The following ERFL variants were observed in gnomAD, a reference collection of about 807,000 sequenced individuals.
ERFL encodes ETS repressor factor like.
A neutral mutation model predicts 27.9 loss-of-function variants in ERFL; 8 were observed. That is an observed-to-expected ratio of 0.29 (90% confidence interval 0.17 to 0.52). ERFL has a LOEUF of 0.52. ERFL is among the 20% of genes least tolerant of loss of function. The pLI is 0.97. For missense variants in ERFL, 294 were observed against 444.4 expected (o/e 0.66, Z 3.04); for synonymous variants, 174 against 202.8 (o/e 0.86, Z 1.21).
At chr19:41,915,764 G>A (rs2074796977) in intron 1 of ERFL, among the ~76,000 whole-genome samples, 1 of 152,048 alleles carries the variant, frequency 6.6e-6, no homozygotes, top group Non-Finnish European at 1.5e-5. Flanking sequence ...ATCTCACCCT[G>A]CCCCTGGCGC....
Position 41,909,873 on chromosome 19 carries a change from G to T in ERFL, c.292C>A (p.Arg98=), listed in dbSNP as rs2094367305. ...KPHMNYDKLS[R]ALRYYYNKRI... Reference sequence around the variant, plus strand: ...CAAGCCCTTCCTCACCGCAGGGCCCGGCTCAGCTTGTCGTAATTCATGTGG... The same window carrying T: ...CAAGCCCTTCCTCACCGCAGGGCCCTGCTCAGCTTGTCGTAATTCATGTGG... The change falls in exon 3 of 6, where the codon CGG becomes AGG. Residue 98 remains arginine, a synonymous_variant. Transcript: ENST00000597630. This position sits in a 1 kb window ranked among gnomAD's most constrained non-coding sequence, Gnocchi z 5.2. The T allele has an allele frequency of 1.7e-5, 27 of 1,611,082 alleles. No individual in the cohort carries two copies. Among genetic ancestry groups the T allele is most frequent in the Non-Finnish European group, 2.1e-5 (25 of 1,178,640 alleles).
intron 1 of ERFL, among the ~76,000 whole-genome samples, chr19:41,915,773 G>GC (rs1348658272): frequency 3.9e-5 from 6 of 151,918 alleles, no homozygotes; most frequent in African/African-American, 1.5e-4. Context: ...TGCCCCTGGC[G>GC]CCCCCCTGGC....
In ERFL at chr19:41,927,516, T is replaced by C. The variant is rs572824377; in HGVS notation, c.-14+524A>G. 2.6e-5 allele frequency among the ~76,000 whole-genome samples: 4 copies of C among 152,092 alleles called. No homozygotes were observed. In the East Asian group the frequency reaches 7.7e-4, roughly 29 times the overall value. On this transcript the variant is annotated intron_variant, in intron 1 of 5. Coordinates refer to ENST00000597630, the MANE Select transcript of ERFL (RefSeq NM_001365103.2). The stretch of plus-strand genomic sequence containing the variant: ...CAGTCCCAGATATCCACACCCCCAG[T>C]CCTGACTCCCAGCCCCAGTCAGCTC...
intron 2 of ERFL, among the ~76,000 whole-genome samples, chr19:41,912,451 G>A (rs984879307): frequency 6.6e-6 from 1 of 152,196 alleles, no homozygotes; most frequent in Non-Finnish European, 1.5e-5. Context: ...CCCTGACTGG[G>A]CAGTGCCGTC....
intron 1 of ERFL, among the ~76,000 whole-genome samples, chr19:41,926,286 G>A (rs1279998396): frequency 6.6e-6 from 1 of 152,088 alleles, no homozygotes; most frequent in Non-Finnish European, 1.5e-5. Flanking sequence ...GGAGGGGCAG[G>A]TGAGAGGAAA....
At chr19:41,920,104 A>ACTCACAGACATGACACGCACACACATGCG (rs2145903387) in intron 1 of ERFL, among the ~76,000 whole-genome samples, 1 of 108,880 alleles carries the variant, frequency 9.2e-6, no homozygotes, top group Admixed American at 1.2e-4. Context: ...ACAGACATAC[A>ACTCACAGACATGACACGCACACACATGCG]CTCACAGACA....
intron 1 of ERFL, among the ~76,000 whole-genome samples, chr19:41,914,212 CCT>C (rs1555851552): frequency 6.6e-6 from 1 of 151,428 alleles, no homozygotes; most frequent in Non-Finnish European, 1.5e-5. Flanking sequence ...TCCCAGGCCC[CCT>C]CTGTTCCCAC....
chr19:41,910,869 C>G lies in ERFL; in HGVS notation c.68-772G>C, dbSNP rs1599671384. ...GCCACCAAGGCTGACATGGCAGACA[C>G]AGGCTGCGCAAGACTCAAGGTCACG... is the stretch of plus-strand genomic sequence containing the variant. On this transcript the variant is annotated intron_variant, in intron 2 of 5. Coordinates refer to ENST00000597630, the MANE Select transcript of ERFL (RefSeq NM_001365103.2). The surrounding 1 kb of genome is among the most constrained non-coding windows in gnomAD (Gnocchi z 4.4). Among the ~76,000 whole-genome samples the G allele has an allele frequency of 3.9e-5, 6 of 152,318 alleles. No individual in the cohort carries two copies. Among genetic ancestry groups the G allele is most frequent in the Admixed American group, 3.9e-4 (6 of 15,306 alleles).
Position 41,909,606 on chromosome 19 carries a change from T to C in ERFL, c.303-135A>G. The C allele has an allele frequency of 1.2e-6, 1 of 818,118 alleles. No individual in the cohort carries two copies. Among genetic ancestry groups the C allele is most frequent in the South Asian group, 2.7e-5 (1 of 36,560 alleles). The allele number at this position is 818,118 out of a possible 1,614,324, so 50.7% of individuals were successfully genotyped here. ...TTGGGGAAACTGAGGCTCACAGAAG[T>C]CCCTTAATAGGGATCACAGGGCAAG... is the stretch of plus-strand genomic sequence containing the variant. On this transcript the variant is annotated intron_variant, in intron 3 of 5. Coordinates refer to ENST00000597630, the MANE Select transcript of ERFL (RefSeq NM_001365103.2). This position sits in a 1 kb window ranked among gnomAD's most constrained non-coding sequence, Gnocchi z 5.2.
Position 41,910,200 on chromosome 19 carries a change from G to A in ERFL, c.68-103C>T, listed in dbSNP as rs2074744338. ...CTGGGAGGCATGTAGTTCTCCTCCA[G>A]TCTCAGGCATCTTTAGGGACCTGGT... On this transcript the variant is annotated intron_variant, in intron 2 of 5. Transcript: ENST00000597630. The surrounding 1 kb of genome is among the most constrained non-coding windows in gnomAD (Gnocchi z 4.4). 1 of 1,143,646 alleles carries A rather than the reference G, an allele frequency of 8.7e-7. No homozygotes were observed. The highest frequency in any genetic ancestry group is 1.2e-6 in the Non-Finnish European group (1 of 814,376). 70.8% of individuals were successfully genotyped at this position (1,143,646 alleles called of 1,614,324 possible).
intron 1 of ERFL, among the ~76,000 whole-genome samples, chr19:41,922,085 TG>T (rs1200321867): frequency 2.6e-5 from 4 of 151,882 alleles, no homozygotes; most frequent in Non-Finnish European, 4.4e-5. Context: ...TTGGTGATGC[TG>T]GAGGGGCGGG....
intron 1 of ERFL, among the ~76,000 whole-genome samples, chr19:41,915,772 C>T (rs992546339): frequency 1.3e-5 from 2 of 152,302 alleles, no homozygotes; most frequent in South Asian, 2.1e-4. Flanking sequence ...CTGCCCCTGG[C>T]GCCCCCCTGG....
At chr19:41,911,878 CAT>C (rs111964707) in intron 2 of ERFL, among the ~76,000 whole-genome samples, 4,058 of 152,096 alleles carry the variant, frequency 0.027, 179 homozygotes, top group African/African-American at 0.092. Flanking sequence ...CAGACACACA[CAT>C]GTGACAGACA....
Position 41,910,161 on chromosome 19 carries a change from C to T in ERFL, c.68-64G>A, listed in dbSNP as rs1173536985. On this transcript the variant is annotated intron_variant, in intron 2 of 5. Coordinates refer to ENST00000597630, the MANE Select transcript of ERFL (RefSeq NM_001365103.2). The surrounding 1 kb of genome is among the most constrained non-coding windows in gnomAD (Gnocchi z 4.4). ...GCCAAGTCCAGGGCTCTGGGTCCTG[C>T]TGGACTCAGTAACCTGGGAGGCATG... 6.7e-7 allele frequency: 1 copy of T among 1,489,804 alleles called. No homozygotes were observed. Among genetic ancestry groups the T allele is most frequent in the East Asian group, 2.4e-5 (1 of 42,114 alleles). The allele number at this position is 1,489,804 out of a possible 1,614,324, so 92.3% of individuals were successfully genotyped here.
Position 41,912,593 on chromosome 19 carries a change from G to A in ERFL, c.67+260C>T, listed in dbSNP as rs542211660. Among the ~76,000 whole-genome samples, 16 of 152,134 alleles carry A rather than the reference G, an allele frequency of 1.1e-4. No homozygotes were observed. The East Asian group carries it at 3.1e-3, about 30-fold the overall frequency. On this transcript the variant is annotated intron_variant, in intron 2 of 5. Transcript: ENST00000597630. ...GGATGCCCGGGCCTCGGGCCCCTCC[G>A]TCCTCACCCCTCACTCACTTCCGTA...
intron 1 of ERFL, among the ~76,000 whole-genome samples, chr19:41,925,735 C>T (rs1555853198): frequency 6.6e-6 from 1 of 152,004 alleles, no homozygotes; most frequent in East Asian, 1.9e-4. Context: ...CCTTGGAAGT[C>T]AGTGTACCTT....
intron 1 of ERFL, chr19:41,923,258 T>C (rs529881709): frequency 2.2e-6 from 1 of 446,458 alleles, no homozygotes; most frequent in South Asian, 1.6e-5. Context: ...AGGCCCCCGA[T>C]ATTTGTACTG....
At chr19:41,923,128 G>A (rs1163538153) in intron 1 of ERFL, 2 of 456,326 alleles carry the variant, frequency 4.4e-6, no homozygotes, top group Non-Finnish European at 4.4e-6. Context: ...GGTAGGAACT[G>A]CCATGATGGA....
chr19:41,908,388 G>A lies in ERFL; in HGVS notation c.905C>T (p.Pro302Leu). 8.1e-7 allele frequency: 1 copy of A among 1,231,250 alleles called. No homozygotes were observed. Among genetic ancestry groups the A allele is most frequent in the Non-Finnish European group, 1.0e-6 (1 of 987,668 alleles). The allele number at this position is 1,231,250 out of a possible 1,614,324, so 76.3% of individuals were successfully genotyped here. A position where few individuals can be genotyped will look rare whatever the true frequency, so the allele number is the denominator to read the frequency against. ...GGCAGCCTCTGGACCCCCAGCCCCT[G>A]GCAGCGCCAGGCGAGGGGCCGCTGC... ...GLAAAPRLAL[P>L]GAGGPEAALG... The change falls in exon 6 of 6, where the codon CCA becomes CTA. Residue 302 changes from proline (P) to leucine (L), a missense_variant. By Grantham distance (98) the Pro-to-Leu change is moderately conservative (BLOSUM62 -3). Coordinates refer to ENST00000597630, the MANE Select transcript of ERFL (RefSeq NM_001365103.2). The surrounding 1 kb of genome is among the most constrained non-coding windows in gnomAD (Gnocchi z 6.7).
Sources: allele counts gnomAD v4.1 joint callset (sites outside exome capture counted in the v4.1 genomes callset), GRCh38; gene constraint gnomAD v4.1.1; non-coding constraint Gnocchi (gnomAD v3.1); transcripts MANE v1.5; gene names NCBI Gene and HGNC (gene_info 2026-07-23, HGNC 2026-07-21).